The following CCKAR variants were observed in gnomAD, a reference collection of about 807,000 sequenced individuals.
The protein encoded by CCKAR is cholecystokinin receptor type A.
In CCKAR, 21 loss-of-function variants were observed where a neutral mutation model predicts 29.8. The observed-to-expected ratio is 0.70, with a 90% CI of 0.50 to 1.01. CCKAR has a LOEUF of 1.01. Ranked by LOEUF, CCKAR falls within the 50% of genes least tolerant of loss-of-function variation. The pLI, the probability that CCKAR is intolerant of heterozygous loss-of-function variation, is 0.00. For synonymous variants in CCKAR, 238 were observed against 221.3 expected (o/e 1.08, Z -0.67); for missense variants, 570 against 560.6 (o/e 1.02, Z -0.17).
rs543741586 is a variant in CCKAR, at chr4:26,483,699, A to G, written c.627-416T>C. On this transcript the variant is annotated intron_variant, in intron 3 of 4. Transcript: ENST00000295589. Reference sequence around the variant, plus strand: ...GCATTTTACATACATCACTACATTTAACTCTCATAATAACCATTGAGGTAG... The same window carrying G: ...GCATTTTACATACATCACTACATTTGACTCTCATAATAACCATTGAGGTAG... Among the ~76,000 whole-genome samples the G allele has an allele frequency of 1.1e-4, 17 of 152,348 alleles. No homozygotes were observed. In the East Asian group the frequency reaches 1.5e-3, roughly 14 times the overall value.
At chr4:26,482,918 T>TA (rs1737380520) in intron 4 of CCKAR, among the ~76,000 whole-genome samples, 1 of 152,154 alleles carries the variant, frequency 6.6e-6, no homozygotes, top group African/African-American at 2.4e-5. Flanking sequence ...TGTTATTGGG[T>TA]TATATGTGGG....
rs370015751 is a variant in CCKAR at position 26,483,278 on chromosome 4, G to C, written c.632C>G (p.Thr211Arg). ...AAGAAAGAGGATGAGTAACAGGAATGTGTGCCTAATGAAATCAAAAGAAAT... is the reference window on the plus strand; with the variant it reads ...AAGAAAGAGGATGAGTAACAGGAATCTGTGCCTAATGAAATCAAAAGAAAT... ...PNDVMQQSWH[T>R]FLLLILFLIP... Residue 211 changes from threonine to arginine, a missense_variant, in exon 4 of 5, where the codon ACA becomes AGA. Transcript: ENST00000295589. The C allele has an allele frequency of 2.5e-6, 4 of 1,612,942 alleles. No individual in the cohort carries two copies. The African/African-American group carries it at 5.3e-5, about 22-fold the overall frequency.
At position 26,485,721 on chromosome 4, in the gene CCKAR, T is replaced by G; in HGVS notation, c.542A>C (p.Asn181Thr). The change falls in exon 3 of 5, where the codon AAC (asparagine) becomes ACC (threonine). Residue 181 changes from asparagine to threonine, a missense_variant. Physicochemically the swap from Asn to Thr is moderately conservative, Grantham distance 65. Coordinates refer to ENST00000295589, the MANE Select transcript of CCKAR (RefSeq NM_000730.3). ...TIMTPYPIYS[N>T]LVPFTKNNNQ... ...GTTATTTTTGGTAAAAGGCACCAAG[T>G]TGCTATAAATGGGGTACGGAGTCAT... 6.2e-7 allele frequency: 1 copy of G among 1,614,136 alleles called. No individual in the cohort carries two copies. The highest frequency in any genetic ancestry group is 1.3e-5 in the African/African-American group (1 of 75,012).
At chr4:26,486,469 C>T (rs1219822341) in intron 2 of CCKAR, among the ~76,000 whole-genome samples, 3 of 152,012 alleles carry the variant, frequency 2.0e-5, no homozygotes, top group African/African-American at 2.4e-5. Context: ...GTAAAAAAGA[C>T]GAGGGAAAAT....
At chr4:26,486,516 G>A (rs905492149) in intron 2 of CCKAR, among the ~76,000 whole-genome samples, 5 of 152,182 alleles carry the variant, frequency 3.3e-5, no homozygotes, top group Non-Finnish European at 7.3e-5. Context: ...CTGGGTTGGG[G>A]ACTAAAGTCT....
At chr4:26,482,432 T>C (rs1337396329) in intron 4 of CCKAR, among the ~76,000 whole-genome samples, 1 of 152,186 alleles carries the variant, frequency 6.6e-6, no homozygotes, top group Non-Finnish European at 1.5e-5. Flanking sequence ...TATTAAAGAA[T>C]GAATATTCAC....
intron 2 of CCKAR, among the ~76,000 whole-genome samples, chr4:26,487,796 T>G (rs868188321): frequency 1.3e-5 from 2 of 152,352 alleles, no homozygotes; most frequent in Non-Finnish European, 2.9e-5. Flanking sequence ...TCACATTCTC[T>G]GGTTAAGGTT....
chr4:26,490,307 G>A lies in CCKAR; in HGVS notation c.-40C>T, dbSNP rs1737533461. The stretch of plus-strand genomic sequence containing the variant: ...TTCCACCAAGTGCTGGAGAGCTGGT[G>A]AATTGCTCACTCCCGGCTCATTCCT... On this transcript the variant is annotated 5_prime_UTR_variant, in exon 1 of 5. Coordinates refer to ENST00000295589, the MANE Select transcript of CCKAR (RefSeq NM_000730.3). 1 of 1,339,550 alleles carries A rather than the reference G, an allele frequency of 7.5e-7. No individual in the cohort carries two copies. Among genetic ancestry groups the A allele is most frequent in the Non-Finnish European group, 1.1e-6 (1 of 931,594 alleles). The allele number at this position is 1,339,550 out of a possible 1,614,324, so 83.0% of individuals were successfully genotyped here.
At chr4:26,486,092 T>C (rs1737445677) in intron 2 of CCKAR, among the ~76,000 whole-genome samples, 194 bp from the exon 3 acceptor site, 1 of 152,216 alleles carries the variant, frequency 6.6e-6, no homozygotes, top group African/African-American at 2.4e-5. Flanking sequence ...TTTAAGGCAG[T>C]TAAAGAAATG....
rs1737383490 is a variant in CCKAR at position 26,483,074 on chromosome 4, C to T, written c.754+82G>A. The T allele has an allele frequency of 3.6e-6, 5 of 1,387,546 alleles. No individual in the cohort carries two copies. The South Asian group carries it at 7.4e-5, about 21-fold the overall frequency. The allele number at this position is 1,387,546 out of a possible 1,614,324, so 86.0% of individuals were successfully genotyped here. ...AAGCTTTTCCAACAAACTTTACGTA[C>T]ACTCTGGGTATATCTATTTAAATGA... On this transcript the variant is annotated intron_variant, in intron 4 of 4. Transcript: ENST00000295589.
rs1269558918 is a variant in CCKAR at position 26,490,472 on chromosome 4, T to C, written c.-205A>G. 2.3e-5 allele frequency: 12 copies of C among 515,824 alleles called. No individual in the cohort carries two copies. Among genetic ancestry groups the C allele is most frequent in the Non-Finnish European group, 2.8e-5 (8 of 283,324 alleles). 32.0% of individuals were successfully genotyped at this position (515,824 alleles called of 1,614,324 possible). On this transcript the variant is annotated 5_prime_UTR_variant, in exon 1 of 5. Transcript: ENST00000295589. ...CACTCCAGCATTTGTACTCCTGTTG[T>C]GGAAAAGGCAGTGAGCACAAGCCAA...
chr4:26,482,049 C>T lies in CCKAR; in HGVS notation c.876G>A (p.Arg292=), dbSNP rs200731365. The change falls in exon 5 of 5, where the codon AGG becomes AGA. Residue 292 remains arginine, a synonymous_variant. Transcript: ENST00000295589. The part of the protein sequence containing the change: ...LRQLSTGSSS[R]ANRIRSNSSA... The stretch of plus-strand genomic sequence containing the variant: ...AGCTGTTACTCCGGATGCGGTTGGC[C>T]CTGCTGCTGCTGCCGGTGGACAGCT... The T allele has an allele frequency of 2.4e-5, 38 of 1,614,084 alleles. No homozygotes were observed. Among genetic ancestry groups the T allele is most frequent in the East Asian group, 2.2e-4 (10 of 44,884 alleles).
At chr4:26,488,789 A>C (rs1013451533) in intron 2 of CCKAR, among the ~76,000 whole-genome samples, 5 of 152,240 alleles carry the variant, frequency 3.3e-5, no homozygotes, top group African/African-American at 1.2e-4. Flanking sequence ...CAAAAGAAAC[A>C]ACTGCAAAGA....
intron 4 of CCKAR, 139 bp from the exon 5 acceptor site, chr4:26,482,309 T>C: frequency 1.4e-6 from 1 of 708,660 alleles, no homozygotes; most frequent in Non-Finnish European, 2.4e-6. Flanking sequence ...CTTACACTGA[T>C]ATGGGTAAGC....
chr4:26,482,049 C>A lies in CCKAR; in HGVS notation c.876G>T (p.Arg292Ser). ...LRQLSTGSSS[R>S]ANRIRSNSSA... is the part of the protein sequence containing the mutation. ...AGCTGTTACTCCGGATGCGGTTGGC[C>A]CTGCTGCTGCTGCCGGTGGACAGCT... The change falls in exon 5 of 5, where the codon AGG becomes AGT. Residue 292 changes from arginine (R) to serine (S), a missense_variant. Physicochemically the swap from Arg to Ser is moderately radical, Grantham distance 110. Coordinates refer to ENST00000295589, the MANE Select transcript of CCKAR (RefSeq NM_000730.3). 1 of 1,614,202 alleles carries A rather than the reference C, an allele frequency of 6.2e-7. No homozygotes were observed. The highest frequency in any genetic ancestry group is 1.7e-5 in the Admixed American group (1 of 60,036).
At chr4:26,488,405 A>T (rs1007284637) in intron 2 of CCKAR, among the ~76,000 whole-genome samples, 1 of 152,214 alleles carries the variant, frequency 6.6e-6, no homozygotes, top group African/African-American at 2.4e-5. Context: ...TAGGGAGACA[A>T]GGAAGAATCA....
intron 3 of CCKAR, among the ~76,000 whole-genome samples, chr4:26,484,644 G>A (rs930199218): frequency 1.3e-5 from 2 of 152,200 alleles, no homozygotes; most frequent in Non-Finnish European, 1.5e-5. Context: ...AGAAACTTGC[G>A]TTTTTATTTC....
At chr4:26,485,062 T>C (rs3020585) in intron 3 of CCKAR, among the ~76,000 whole-genome samples, 46,634 of 150,316 alleles carry the variant, frequency 0.31, 8,524 homozygotes, top group East Asian at 0.56. Flanking sequence ...GGCATGGTGG[T>C]GCATGCCTGT....
chr4:26,489,156 T>C (rs1180253808), intron 2 of CCKAR, 77 bp downstream of exon 2: 1 of 1,570,698 alleles, frequency 6.4e-7, no homozygotes, highest in South Asian at 1.2e-5. Context: ...TTGCTGTGAT[T>C]GTCAGAGGTT....
Sources: allele counts gnomAD v4.1 joint callset (sites outside exome capture counted in the v4.1 genomes callset), GRCh38; gene constraint gnomAD v4.1.1; transcripts MANE v1.5; gene names NCBI Gene and HGNC (gene_info 2026-07-23, HGNC 2026-07-21).